CAMK1D: variants seen among roughly 807,000 people sequenced by gnomAD.
The protein encoded by CAMK1D is calcium/calmodulin dependent protein kinase ID.
A neutral mutation model predicts 47.7 loss-of-function variants in CAMK1D; 9 were observed. The ratio of observed to expected loss-of-function variants is 0.19; its 90% CI spans 0.11 to 0.33. CAMK1D has a LOEUF of 0.33. Among genes scored for constraint, CAMK1D ranks in the 10% least tolerant of loss-of-function variants. The pLI, the probability that CAMK1D is intolerant of heterozygous loss-of-function variation, is 1.00. For synonymous variants in CAMK1D, 184 were observed against 184.9 expected (o/e 0.99, Z 0.04); for missense variants, 291 against 488.7 (o/e 0.60, Z 3.81).
chr10:12,563,576 G>A (rs954490597), intron 2 of CAMK1D, among the ~76,000 whole-genome samples: 2 of 151,612 alleles, frequency 1.3e-5, no homozygotes, highest in African/African-American at 4.8e-5. Context: ...GGCCAGTCAA[G>A]TTGACACATA....
chr10:12,376,769 T>C (rs1298032047), intron 1 of CAMK1D, among the ~76,000 whole-genome samples: 1 of 151,768 alleles, frequency 6.6e-6, no homozygotes, highest in African/African-American at 2.4e-5. Flanking sequence ...CTTTTTTTTT[T>C]TTGAGACAGA....
intron 2 of CAMK1D, among the ~76,000 whole-genome samples, chr10:12,589,405 T>A (rs909166994): frequency 6.6e-6 from 1 of 152,198 alleles, no homozygotes; most frequent in Non-Finnish European, 1.5e-5. Flanking sequence ...ACCACCTCCA[T>A]GTGGCTGGAG....
chr10:12,661,091 A>C (rs995307536), intron 2 of CAMK1D, among the ~76,000 whole-genome samples: 1 of 152,126 alleles, frequency 6.6e-6, no homozygotes, highest in African/African-American at 2.4e-5. Context: ...GCTTTTCAAC[A>C]TGTCTTTTTC....
intron 5 of CAMK1D, among the ~76,000 whole-genome samples, chr10:12,774,768 G>T (rs77697334): frequency 0.014 from 2,205 of 152,350 alleles, 54 homozygotes; most frequent in African/African-American, 0.041. Context: ...ATGGGAGCTT[G>T]AACCCCGTTG....
At chr10:12,504,324 TG>T (rs986267572) in intron 1 of CAMK1D, among the ~76,000 whole-genome samples, 3 of 151,892 alleles carry the variant, frequency 2.0e-5, no homozygotes, top group African/African-American at 4.8e-5. Flanking sequence ...GCCGGAGAAC[TG>T]GGGGGATTTG....
rs192880610 is a variant in CAMK1D at position 12,494,722 on chromosome 10, A to T, written c.93-58503A>T. ...TGGGACTACAGGCATGTGCCACCAC[A>T]CCTGGCTAATTTTTTTTTGTATTTT... is the stretch of plus-strand genomic sequence containing the variant. On this transcript the variant is annotated intron_variant, in intron 1 of 10. Transcript: ENST00000619168. Among the ~76,000 whole-genome samples the T allele has an allele frequency of 8.1e-4, 123 of 151,876 alleles. 1 individual carries two copies. The highest frequency in any genetic ancestry group is 2.8e-3 in the African/African-American group (117 of 41,424).
At chr10:12,775,013 G>A (rs1443443706) in intron 5 of CAMK1D, among the ~76,000 whole-genome samples, 1 of 151,378 alleles carries the variant, frequency 6.6e-6, no homozygotes, top group Non-Finnish European at 1.5e-5. Context: ...ATGTGAGAAG[G>A]CTCAGGCATT....
chr10:12,528,736 C>CTTTTTTTT (rs34250007), intron 1 of CAMK1D, among the ~76,000 whole-genome samples: 12 of 137,902 alleles, frequency 8.7e-5, no homozygotes, highest in Non-Finnish European at 1.1e-4. Context: ...AAATCCTCAT[C>CTTTTTTTT]TTTTTTTTTT....
chr10:12,377,752 A>G (rs1838225247), intron 1 of CAMK1D, among the ~76,000 whole-genome samples: 2 of 152,162 alleles, frequency 1.3e-5, no homozygotes, highest in Admixed American at 1.3e-4. Context: ...AAAATTAAAA[A>G]TCTCGAACAC....
chr10:12,787,576 G>A (rs1032823541), intron 5 of CAMK1D, among the ~76,000 whole-genome samples: 3 of 152,334 alleles, frequency 2.0e-5, no homozygotes, highest in South Asian at 4.1e-4. Context: ...GGCATCCGCC[G>A]GGTCTTTGCT....
rs577436409 is a variant in CAMK1D at position 12,450,056 on chromosome 10, A to G, written c.92+100146A>G. Among the ~76,000 whole-genome samples the G allele has an allele frequency of 3.2e-3, 474 of 146,636 alleles. 5 individuals are homozygous for G. Among genetic ancestry groups the G allele is most frequent in the Middle Eastern group, 6.8e-3 (2 of 292 alleles). ...TTGGAGACATCTTGATGTTACACCC[A>G]TACTAACAGTAGTGTCAATCTCTGT... On this transcript the variant is annotated intron_variant, in intron 1 of 10. Coordinates refer to ENST00000619168, the MANE Select transcript of CAMK1D (RefSeq NM_153498.4).
At chr10:12,482,312 C>T (rs191086837) in intron 1 of CAMK1D, among the ~76,000 whole-genome samples, 144 of 152,240 alleles carry the variant, frequency 9.5e-4, no homozygotes, top group South Asian at 3.7e-3. Context: ...AGGCCCTTCC[C>T]GCAGGTCACC....
intron 2 of CAMK1D, among the ~76,000 whole-genome samples, chr10:12,621,454 G>A (rs1051718910): frequency 6.6e-6 from 1 of 152,080 alleles, no homozygotes; most frequent in Non-Finnish European, 1.5e-5. Context: ...TCAGCATTAT[G>A]TGGTTTTCAT....
chr10:12,713,617 AAGG>A (rs1834015453), intron 3 of CAMK1D, among the ~76,000 whole-genome samples: 3 of 152,190 alleles, frequency 2.0e-5, no homozygotes. Flanking sequence ...GAAAGGAAGA[AAGG>A]AGGATTGGGG....
chr10:12,572,335 C>G (rs1383693631), intron 2 of CAMK1D, among the ~76,000 whole-genome samples: 2 of 152,188 alleles, frequency 1.3e-5, no homozygotes, highest in African/African-American at 2.4e-5. Context: ...CCTTAGGTCT[C>G]TCTCCTGCCA....
intron 1 of CAMK1D, among the ~76,000 whole-genome samples, chr10:12,463,446 G>C: frequency 6.6e-6 from 1 of 152,080 alleles, no homozygotes; most frequent in Non-Finnish European, 1.5e-5. Context: ...CCAGCTCTAA[G>C]AGTTTTAAAA....
At chr10:12,504,414 G>A (rs903182577) in intron 1 of CAMK1D, among the ~76,000 whole-genome samples, 2 of 152,126 alleles carry the variant, frequency 1.3e-5, no homozygotes, top group Admixed American at 6.5e-5. Flanking sequence ...GAGGTCAGGC[G>A]GCGATGGGTA....
At chr10:12,625,439 A>T (rs1194599540) in intron 2 of CAMK1D, among the ~76,000 whole-genome samples, 1 of 149,096 alleles carries the variant, frequency 6.7e-6, no homozygotes, top group East Asian at 2.0e-4. Context: ...GGTTCAGGTG[A>T]TCCTCCTGCC....
chr10:12,640,531 A>G (rs1415686938), intron 2 of CAMK1D, among the ~76,000 whole-genome samples: 3 of 152,238 alleles, frequency 2.0e-5, no homozygotes, highest in South Asian at 2.1e-4. Context: ...CTATTGAACA[A>G]ATAACAGCTA....
Sources: allele counts gnomAD v4.1 joint callset (sites outside exome capture counted in the v4.1 genomes callset), GRCh38; gene constraint gnomAD v4.1.1; transcripts MANE v1.5; gene names NCBI Gene and HGNC (gene_info 2026-07-23, HGNC 2026-07-21).